CADM2: variants seen among roughly 807,000 people sequenced by gnomAD.
CADM2 encodes immunoglobulin superfamily member 4D.
In CADM2, 12 loss-of-function variants were observed where a neutral mutation model predicts 49.8. The observed-to-expected ratio is 0.24, with a 90% CI of 0.15 to 0.39. The LOEUF (loss-of-function observed/expected upper bound fraction) is 0.39, where lower values mean the gene tolerates loss of function less well. CADM2 is among the 10% of genes least tolerant of loss of function. CADM2 has a pLI of 1.00. For missense variants in CADM2, 378 were observed against 492.3 expected (o/e 0.77, Z 2.20); for synonymous variants, 214 against 175.4 (o/e 1.22, Z -1.74).
At chr3:86,032,075 T>G (rs1412113662) in intron 8 of CADM2, among the ~76,000 whole-genome samples, 1 of 151,720 alleles carries the variant, frequency 6.6e-6, no homozygotes, top group Admixed American at 6.6e-5. Context: ...TAAATAATGA[T>G]TTTTCCTTTA....
intron 1 of CADM2, among the ~76,000 whole-genome samples, chr3:85,062,705 T>A (rs1395292757): frequency 6.6e-6 from 1 of 151,910 alleles, no homozygotes; most frequent in Admixed American, 6.6e-5. Flanking sequence ...ACAATTTTAT[T>A]TTCAAGATTT....
intron 1 of CADM2, among the ~76,000 whole-genome samples, chr3:85,201,022 G>A (rs760206078): frequency 2.2e-4 from 34 of 152,122 alleles, no homozygotes; most frequent in Non-Finnish European, 4.7e-4. Context: ...CCTGTGATAA[G>A]TAATACATGT....
At position 85,907,910 on chromosome 3, in the gene CADM2, CA is replaced by C. The variant is rs1257950513; in HGVS notation, c.530-4448del. On this transcript the variant is annotated intron_variant, in intron 5 of 9. Transcript: ENST00000383699. Reference sequence around the variant, plus strand: ...TGGGTGACAGAATGAGACTCTGTCTCAAAAAAAAAAAAAAAGAAGATATCTT... The same window carrying C: ...TGGGTGACAGAATGAGACTCTGTCTCAAAAAAAAAAAAAAGAAGATATCTT... 8.7e-3 allele frequency among the ~76,000 whole-genome samples: 918 copies of C among 105,624 alleles called. 5 individuals are homozygous for C. Among genetic ancestry groups the C allele is most frequent in the African/African-American group, 0.022 (622 of 28,834 alleles). 69.3% of individuals were successfully genotyped at this position (105,624 alleles called of 152,430 possible). A position where few individuals can be genotyped will look rare whatever the true frequency, so the allele number is the denominator to read the frequency against.
chr3:85,999,571 A>G (rs922320747), intron 8 of CADM2, among the ~76,000 whole-genome samples: 7 of 100,080 alleles, frequency 7.0e-5, no homozygotes. Context: ...GGAAGGCAGG[A>G]AGGAAGGAAG....
At chr3:85,531,043 C>G (rs1297491826) in intron 1 of CADM2, among the ~76,000 whole-genome samples, 3 of 152,130 alleles carry the variant, frequency 2.0e-5, no homozygotes, top group Non-Finnish European at 4.4e-5. Context: ...AAAGCTTCTA[C>G]TCAGTATCTG....
chr3:85,864,010 A>T (rs966282040), intron 3 of CADM2, among the ~76,000 whole-genome samples: 2 of 152,162 alleles, frequency 1.3e-5, no homozygotes, highest in Non-Finnish European at 2.9e-5. Context: ...CGTGAAGAGC[A>T]CACCCACAGA....
At chr3:84,991,156 G>T (rs979431271) in intron 1 of CADM2, among the ~76,000 whole-genome samples, 1 of 151,974 alleles carries the variant, frequency 6.6e-6, no homozygotes, top group African/African-American at 2.4e-5. Flanking sequence ...GGCCTGCAAG[G>T]ATCTTTCCAG....
chr3:85,928,351 G>A (rs1247594615), intron 6 of CADM2, among the ~76,000 whole-genome samples: 6 of 152,006 alleles, frequency 3.9e-5, no homozygotes, highest in Middle Eastern at 3.4e-3. Context: ...TAGAGACGGC[G>A]TTTCACCATG....
chr3:85,501,203 TGTG>T (rs1397570116), intron 1 of CADM2, among the ~76,000 whole-genome samples: 7 of 152,164 alleles, frequency 4.6e-5, no homozygotes, highest in African/African-American at 1.7e-4. Context: ...ATAATTAAAA[TGTG>T]GTGATTAGGA....
chr3:85,798,901 G>A (rs1012788318), intron 2 of CADM2, among the ~76,000 whole-genome samples: 1 of 152,134 alleles, frequency 6.6e-6, no homozygotes, highest in Non-Finnish European at 1.5e-5. Context: ...TCCTATCCAT[G>A]AGCATAGAAT....
rs1294350806 is a variant in CADM2, at chr3:85,883,281, C to G, written c.239-10C>G. On this transcript the variant is annotated splice_polypyrimidine_tract_variant and intron_variant, in intron 3 of 9. Coordinates refer to ENST00000383699, the MANE Select transcript of CADM2 (RefSeq NM_001167675.2). ...TCCTTATTTACATTTTCAATATTTT[C>G]TCTTTCCAGCTTTAAGGGACAATAG... The G allele has an allele frequency of 6.3e-7, 1 of 1,596,856 alleles. No individual in the cohort carries two copies. Among genetic ancestry groups the G allele is most frequent in the East Asian group, 2.2e-5 (1 of 44,534 alleles).
intron 1 of CADM2, among the ~76,000 whole-genome samples, chr3:85,019,745 A>C (rs1444195162): frequency 1.3e-5 from 2 of 152,226 alleles, no homozygotes; most frequent in East Asian, 3.8e-4. Flanking sequence ...TTTAATCATC[A>C]TTCATTGAAG....
chr3:85,035,089 C>T (rs2035157712), intron 1 of CADM2, among the ~76,000 whole-genome samples: 1 of 152,060 alleles, frequency 6.6e-6, no homozygotes, highest in African/African-American at 2.4e-5. Flanking sequence ...GCATGAGCCA[C>T]CATGCCTGGC....
chr3:85,647,111 T>A (rs2064910698), intron 1 of CADM2, among the ~76,000 whole-genome samples: 1 of 151,834 alleles, frequency 6.6e-6, no homozygotes, highest in Non-Finnish European at 1.5e-5. Flanking sequence ...ATTAGATCAG[T>A]GTTGGGAAAG....
chr3:85,487,250 C>T (rs2039455156), intron 1 of CADM2, among the ~76,000 whole-genome samples: 1 of 152,174 alleles, frequency 6.6e-6, no homozygotes, highest in South Asian at 2.1e-4. Flanking sequence ...CACAGTGGCT[C>T]ATGCCTATAG....
intron 8 of CADM2, among the ~76,000 whole-genome samples, chr3:86,000,608 T>A (rs146388815): frequency 0.023 from 3,447 of 148,870 alleles, 70 homozygotes; most frequent in Non-Finnish European, 0.038. Flanking sequence ...AGTTGGGGAG[T>A]GGAGAGATGG....
At chr3:85,397,146 CA>C (rs1198550609) in intron 1 of CADM2, among the ~76,000 whole-genome samples, 1 of 151,840 alleles carries the variant, frequency 6.6e-6, no homozygotes, top group Non-Finnish European at 1.5e-5. Context: ...CCAGTAAACA[CA>C]AAAAAGATGC....
At chr3:85,323,369 C>T (rs535642057) in intron 1 of CADM2, among the ~76,000 whole-genome samples, 9 of 152,190 alleles carry the variant, frequency 5.9e-5, no homozygotes, top group African/African-American at 2.2e-4. Flanking sequence ...CATCTTTGTC[C>T]AGGCATTTTC....
chr3:85,088,219 C>A (rs757491839), intron 1 of CADM2, among the ~76,000 whole-genome samples: 1 of 152,030 alleles, frequency 6.6e-6, no homozygotes, highest in Non-Finnish European at 1.5e-5. Flanking sequence ...TGGTTCTTGC[C>A]GCTTTCCTTA....
Sources: gnomAD v4.1 joint callset for allele counts (sites outside exome capture counted in the v4.1 genomes callset) on GRCh38, gnomAD v4.1.1 for gene constraint, MANE v1.5 for transcripts, NCBI Gene and HGNC (gene_info 2026-07-23, HGNC 2026-07-21) for gene names.